The following FBXW10 variants were observed in gnomAD, a reference collection of about 807,000 sequenced individuals.
FBXW10 encodes F-box/WD repeat-containing protein 10.
Under a neutral mutation model 113.1 loss-of-function variants are expected in FBXW10, and 68 were observed. The observed-to-expected ratio is 0.60, with a 90% CI of 0.49 to 0.74. FBXW10 has a LOEUF of 0.74. Ranked by LOEUF, FBXW10 falls within the 30% of genes least tolerant of loss-of-function variation. The pLI is 0.00. For synonymous variants in FBXW10, 289 were observed against 481.6 expected (o/e 0.60, Z 5.24); for missense variants, 753 against 1,284.5 (o/e 0.59, Z 6.32).
At chr17:18,775,244 G>A in intron 13 of FBXW10, 52 bp downstream of exon 13, 1 of 1,240,170 alleles carries the variant, frequency 8.1e-7, no homozygotes, top group Non-Finnish European at 1.2e-6. Flanking sequence ...ACGGATGGTG[G>A]GCAGGAGAAT....
chr17:18,762,152 C>CG (rs199859632), intron 7 of FBXW10, among the ~76,000 whole-genome samples: 1 of 149,554 alleles, frequency 6.7e-6, no homozygotes, highest in Non-Finnish European at 1.5e-5. Context: ...TTAGTAGAGA[C>CG]GGGGTTTCAC....
chr17:18,751,669 G>A (rs572921307), intron 5 of FBXW10, among the ~76,000 whole-genome samples: 1 of 152,340 alleles, frequency 6.6e-6, no homozygotes, highest in South Asian at 2.1e-4. Context: ...TTAGTGGCAA[G>A]TTCAGAGGCC....
intron 5 of FBXW10, among the ~76,000 whole-genome samples, chr17:18,755,178 G>A (rs1407320079): frequency 6.6e-6 from 1 of 151,938 alleles, no homozygotes; most frequent in African/African-American, 2.4e-5. Context: ...CAGGAGAATT[G>A]CCTGAACTCG....
intron 5 of FBXW10, among the ~76,000 whole-genome samples, chr17:18,753,722 A>C (rs1158674481): frequency 6.6e-6 from 1 of 152,090 alleles, no homozygotes; most frequent in African/African-American, 2.4e-5. Flanking sequence ...AAAATATAGA[A>C]AATTAGCCAG....
intron 10 of FBXW10, among the ~76,000 whole-genome samples, chr17:18,768,934 A>ATTTTTTTT (rs59007149): frequency 5.2e-5 from 6 of 114,380 alleles, no homozygotes; most frequent in Non-Finnish European, 8.5e-5. Flanking sequence ...GAAGTTATTG[A>ATTTTTTTT]TTTTTTTTTT....
chr17:18,745,409 T>A (rs1297432670), intron 1 of FBXW10: 1 of 256,828 alleles, frequency 3.9e-6, no homozygotes. Flanking sequence ...GGCCCAGGAT[T>A]CTGTATGTCT....
At chr17:18,765,783 G>A (rs2035485382) in intron 8 of FBXW10, among the ~76,000 whole-genome samples, 2 of 151,940 alleles carry the variant, frequency 1.3e-5, no homozygotes, top group South Asian at 4.1e-4. Flanking sequence ...TTAGAGTGCA[G>A]TGGCACAATC....
At chr17:18,745,693 C>T (rs1377071367) in intron 1 of FBXW10, among the ~76,000 whole-genome samples, 1 of 152,178 alleles carries the variant, frequency 6.6e-6, no homozygotes, top group African/African-American at 2.4e-5. Context: ...GGATTACAGG[C>T]GTGAGCCACT....
At chr17:18,765,894 T>C (rs1238564134) in intron 8 of FBXW10, among the ~76,000 whole-genome samples, 1 of 125,512 alleles carries the variant, frequency 8.0e-6, no homozygotes, top group East Asian at 2.3e-4. Flanking sequence ...GCCCAGCTAA[T>C]TTTTTTTTTT....
intron 4 of FBXW10, among the ~76,000 whole-genome samples, 198 bp downstream of exon 4, chr17:18,750,335 C>G (rs534570378): frequency 1.7e-4 from 26 of 152,154 alleles, no homozygotes; most frequent in African/African-American, 5.3e-4. Context: ...GTCAGTGCAT[C>G]TCACAAGGAC....
intron 12 of FBXW10, among the ~76,000 whole-genome samples, chr17:18,774,147 G>T (rs928072321): frequency 2.0e-5 from 3 of 150,760 alleles, no homozygotes; most frequent in Non-Finnish European, 3.0e-5. Flanking sequence ...ACATTCTGCT[G>T]TAAAGAGGTG....
rs748242541 is a variant in FBXW10 at position 18,751,049 on chromosome 17, C to G, written c.1118C>G (p.Thr373Arg). The G allele has an allele frequency of 5.6e-5, 90 of 1,613,668 alleles. 2 individuals are homozygous for G. Among genetic ancestry groups the G allele is most frequent in the Non-Finnish European group, 6.0e-5 (71 of 1,179,888 alleles). The change falls in exon 5 of 14, where the codon ACG (threonine) becomes AGG (arginine). Residue 373 changes from threonine (T) to arginine (R), a missense_variant. Physicochemically the swap from Thr to Arg is moderately conservative, Grantham distance 71. Coordinates refer to ENST00000395665, the MANE Select transcript of FBXW10 (RefSeq NM_001267585.2). ...RVKHPKWKLR[T>R]KNEYNLWTAY... ...AAACATCCGAAGTGGAAGCTGAGAA[C>G]GAAGGTGGGTTCCAACAGCATCTGG... is the stretch of plus-strand genomic sequence containing the variant.
intron 11 of FBXW10, among the ~76,000 whole-genome samples, chr17:18,771,835 G>T (rs145723699): frequency 6.4e-4 from 98 of 152,312 alleles, no homozygotes; most frequent in African/African-American, 1.9e-3. Context: ...GAGGCCAGGC[G>T]CAGTGGCTCG....
chr17:18,758,231 T>G (rs1392309948), intron 6 of FBXW10, 74 bp from the exon 7 acceptor site: 2 of 1,254,668 alleles, frequency 1.6e-6, no homozygotes, highest in Non-Finnish European at 2.2e-6. Flanking sequence ...TAGGCAAAAG[T>G]CATGGGGCTA....
At chr17:18,765,126 G>A (rs2035469668) in intron 8 of FBXW10, among the ~76,000 whole-genome samples, 1 of 152,104 alleles carries the variant, frequency 6.6e-6, no homozygotes, top group South Asian at 2.1e-4. Flanking sequence ...TGGCCCTTTA[G>A]ATTTAACTTT....
intron 13 of FBXW10, among the ~76,000 whole-genome samples, chr17:18,777,636 T>C (rs1291635703): frequency 3.3e-5 from 5 of 151,566 alleles, no homozygotes; most frequent in Admixed American, 2.0e-4. Context: ...CTCTGCCTCC[T>C]GGGTTCATGC....
intron 5 of FBXW10, among the ~76,000 whole-genome samples, chr17:18,753,321 T>G (rs1319013687): frequency 2.0e-5 from 3 of 151,936 alleles, no homozygotes; most frequent in African/African-American, 7.3e-5. Context: ...CTCGGGGGTA[T>G]GCCTGCAGCT....
chr17:18,744,298 G>A lies in FBXW10; in HGVS notation c.54G>A (p.Lys18=). The stretch of plus-strand genomic sequence containing the variant: ...ATGCCCCCTATTTTCGTTGTGAGAA[G>A]GGAACCGATTCCATCCCTCTATGCC... The part of the protein sequence containing the change: ...LKNAPYFRCE[K]GTDSIPLCRK... Residue 18 remains lysine (K), a synonymous_variant, in exon 1 of 14, where the codon AAG becomes AAA. Coordinates refer to ENST00000395665, the MANE Select transcript of FBXW10 (RefSeq NM_001267585.2). 1 of 1,612,562 alleles carries A rather than the reference G, an allele frequency of 6.2e-7. No individual in the cohort carries two copies. Among genetic ancestry groups the A allele is most frequent in the Non-Finnish European group, 8.5e-7 (1 of 1,179,588 alleles).
At chr17:18,770,702 C>G (rs2035595646) in intron 11 of FBXW10, among the ~76,000 whole-genome samples, 1 of 152,116 alleles carries the variant, frequency 6.6e-6, no homozygotes, top group South Asian at 2.1e-4. Context: ...GCAGCCCCTG[C>G]TTGCTCTTTG....
Sources: allele counts gnomAD v4.1 joint callset (sites outside exome capture counted in the v4.1 genomes callset), GRCh38; gene constraint gnomAD v4.1.1; transcripts MANE v1.5; gene names NCBI Gene and HGNC (gene_info 2026-07-23, HGNC 2026-07-21).